Variants in PRKCE observed in about 807,000 individuals in gnomAD.
PRKCE encodes protein kinase C epsilon type.
PRKCE carries 16 observed loss-of-function variants against 85.4 expected under a neutral mutation model. That is an observed-to-expected ratio of 0.19 (90% CI 0.13 to 0.28). PRKCE has a LOEUF of 0.28. Among genes scored for constraint, PRKCE ranks in the 10% least tolerant of loss-of-function variants. PRKCE has a pLI of 1.00. For missense variants in PRKCE, 573 were observed against 975.2 expected (o/e 0.59, Z 5.49); for synonymous variants, 388 against 371.5 (o/e 1.04, Z -0.51).
chr2:46,000,471 A>G (rs1704584978), intron 6 of PRKCE, among the ~76,000 whole-genome samples: 1 of 149,054 alleles, frequency 6.7e-6, no homozygotes, highest in Non-Finnish European at 1.5e-5. Flanking sequence ...AAAAAAAAAC[A>G]ACCCTCAACC....
intron 2 of PRKCE, among the ~76,000 whole-genome samples, chr2:45,975,579 C>T (rs1039870354): frequency 2.0e-5 from 3 of 152,202 alleles, no homozygotes; most frequent in African/African-American, 4.8e-5. Context: ...CTCCAAATAG[C>T]ATCACTTTGG....
intron 1 of PRKCE, among the ~76,000 whole-genome samples, chr2:45,772,483 CAG>C (rs1167239505): frequency 6.6e-6 from 1 of 152,086 alleles, no homozygotes; most frequent in East Asian, 1.9e-4. Context: ...CTAGGAAATG[CAG>C]ATTTTGTCAG....
chr2:45,913,326 T>G (rs1697514770), intron 2 of PRKCE, among the ~76,000 whole-genome samples: 1 of 152,204 alleles, frequency 6.6e-6, no homozygotes, highest in Non-Finnish European at 1.5e-5. Flanking sequence ...TTTTGTATCT[T>G]TTTTGTAGAG....
rs1340154059 is a variant in PRKCE at position 45,834,119 on chromosome 2, C to G, written c.349-8881C>G. Among the ~76,000 whole-genome samples, 4 of 152,348 alleles carry G rather than the reference C, an allele frequency of 2.6e-5. No homozygotes were observed. The South Asian group carries it at 8.3e-4, about 32-fold the overall frequency. On this transcript the variant is annotated intron_variant, in intron 1 of 14. Coordinates refer to ENST00000306156, the MANE Select transcript of PRKCE (RefSeq NM_005400.3). ...CTAAAAAAGAGGAAGTAGGTGCTAA[C>G]TTGAGCCTACTCCATTTGTGGTGTG...
chr2:46,040,886 C>T (rs908681239), intron 10 of PRKCE, among the ~76,000 whole-genome samples: 3 of 152,216 alleles, frequency 2.0e-5, no homozygotes, highest in African/African-American at 4.8e-5. Context: ...AGCTGGCAAA[C>T]TGACGAATCT....
chr2:46,160,843 C>G (rs1677686383), intron 14 of PRKCE, among the ~76,000 whole-genome samples: 1 of 152,200 alleles, frequency 6.6e-6, no homozygotes, highest in Non-Finnish European at 1.5e-5. Flanking sequence ...TCTCAGAAAT[C>G]TTCCACGGTG....
chr2:45,934,555 G>A (rs1305574538), intron 2 of PRKCE, among the ~76,000 whole-genome samples: 1 of 151,468 alleles, frequency 6.6e-6, no homozygotes, highest in East Asian at 2.0e-4. Flanking sequence ...AGGCTGAGGC[G>A]GGAAAATCAC....
At chr2:45,779,457 G>A (rs2104986523) in intron 1 of PRKCE, among the ~76,000 whole-genome samples, 1 of 152,260 alleles carries the variant, frequency 6.6e-6, no homozygotes, top group Non-Finnish European at 1.5e-5. Flanking sequence ...GGTGTTGTGG[G>A]TTGAGGGGTC....
chr2:45,678,420 A>T (rs117697770), intron 1 of PRKCE, among the ~76,000 whole-genome samples: 1 of 152,236 alleles, frequency 6.6e-6, no homozygotes, highest in African/African-American at 2.4e-5. Context: ...TCTTCTGCAG[A>T]TTGCAATTGT....
chr2:45,949,136 A>T (rs1262419094), intron 2 of PRKCE, among the ~76,000 whole-genome samples: 2 of 152,226 alleles, frequency 1.3e-5, no homozygotes, highest in Non-Finnish European at 2.9e-5. Flanking sequence ...CTGAGGAAGG[A>T]CCTGCTGGGT....
At chr2:45,732,931 C>CG (rs1681710170) in intron 1 of PRKCE, among the ~76,000 whole-genome samples, 1 of 152,130 alleles carries the variant, frequency 6.6e-6, no homozygotes. Context: ...GATCAAGGGT[C>CG]GACGACTTTC....
At chr2:45,849,792 C>T (rs1044114757) in intron 2 of PRKCE, among the ~76,000 whole-genome samples, 4 of 152,202 alleles carry the variant, frequency 2.6e-5, no homozygotes, top group African/African-American at 7.2e-5. Flanking sequence ...ACACCCCACC[C>T]CGGCATAACT....
At chr2:45,668,812 C>G (rs1205560752) in intron 1 of PRKCE, among the ~76,000 whole-genome samples, 3 of 152,132 alleles carry the variant, frequency 2.0e-5, no homozygotes, top group African/African-American at 7.2e-5. Flanking sequence ...AAAAGAAAAA[C>G]ATGTCACACA....
chr2:45,769,460 G>A (rs1455615868), intron 1 of PRKCE, among the ~76,000 whole-genome samples: 1 of 152,146 alleles, frequency 6.6e-6, no homozygotes, highest in Non-Finnish European at 1.5e-5. Context: ...TCTGATGGTT[G>A]TGTGTACACT....
rs140860175 is a variant in PRKCE at position 46,111,693 on chromosome 2, A to G, written c.1592+25331A>G. 5.6e-3 allele frequency among the ~76,000 whole-genome samples: 859 copies of G among 152,266 alleles called. 10 individuals are homozygous for G. The highest frequency in any genetic ancestry group is 0.02 in the African/African-American group (815 of 41,546). ...TTCTTTTATCACTGAATGATATTTC[A>G]TTGTTTGGATATACCACATTTTGTT... On this transcript the variant is annotated intron_variant, in intron 11 of 14. Coordinates refer to ENST00000306156, the MANE Select transcript of PRKCE (RefSeq NM_005400.3).
In PRKCE at chr2:45,652,229, C is replaced by T. The variant is rs1209264836; in HGVS notation, c.129C>T (p.Ala43=). 21 of 1,613,578 alleles carry T rather than the reference C, an allele frequency of 1.3e-5. No individual in the cohort carries two copies. The highest frequency in any genetic ancestry group is 1.8e-5 in the Non-Finnish European group (21 of 1,180,006). The change falls in exon 1 of 15, where the codon GCC becomes GCT. Residue 43 remains alanine (A), a synonymous_variant. Transcript: ENST00000306156. The surrounding 1 kb of genome is among the most constrained non-coding windows in gnomAD (Gnocchi z 7.7). The stretch of plus-strand genomic sequence containing the variant: ...CTTTCCTTCTCGACCCCTACATTGC[C>T]CTCAATGTGGACGACTCGCGCATCG... ...PQTFLLDPYI[A]LNVDDSRIGQ...
rs563129289 is a variant in PRKCE at position 45,953,904 on chromosome 2, G to T, written c.413-22525G>T. Among the ~76,000 whole-genome samples the T allele has an allele frequency of 7.2e-5, 11 of 152,260 alleles. No homozygotes were observed. In the South Asian group the frequency reaches 2.3e-3, roughly 32 times the overall value. Reference sequence around the variant, plus strand: ...TCCTGGACCTAAATTACCAGTTGATGTAGGCAAAGCACAGAGGAAGTCAAA... The same window carrying T: ...TCCTGGACCTAAATTACCAGTTGATTTAGGCAAAGCACAGAGGAAGTCAAA... On this transcript the variant is annotated intron_variant, in intron 2 of 14. Coordinates refer to ENST00000306156, the MANE Select transcript of PRKCE (RefSeq NM_005400.3).
At chr2:46,030,431 A>G (rs1043697236) in intron 10 of PRKCE, among the ~76,000 whole-genome samples, 2 of 152,192 alleles carry the variant, frequency 1.3e-5, no homozygotes, top group African/African-American at 4.8e-5. Context: ...GGGCGGTCCC[A>G]AATACCAACT....
At chr2:45,685,517 T>C (rs1572938866) in intron 1 of PRKCE, 2 of 152,134 alleles carry the variant, frequency 1.3e-5, no homozygotes, top group African/African-American at 2.4e-5. Flanking sequence ...AGGCCAGGTG[T>C]GGTGGCTCAC....
Sources: allele counts gnomAD v4.1 joint callset (sites outside exome capture counted in the v4.1 genomes callset), GRCh38; gene constraint gnomAD v4.1.1; non-coding constraint Gnocchi (gnomAD v3.1); transcripts MANE v1.5; gene names NCBI Gene and HGNC (gene_info 2026-07-23, HGNC 2026-07-21).